The following KAZN variants were observed in gnomAD, a reference collection of about 807,000 sequenced individuals.
KAZN encodes kazrin, periplakin interacting protein, also known as kazrin.
In KAZN, 40 loss-of-function variants were observed where a neutral mutation model predicts 87.4. The ratio of observed to expected loss-of-function variants is 0.46; its 90% CI spans 0.36 to 0.60. KAZN has a LOEUF of 0.60. Ranked by LOEUF, KAZN falls within the 20% of genes least tolerant of loss-of-function variation. The pLI is 0.00. For synonymous variants in KAZN, 466 were observed against 458.3 expected, an observed-to-expected ratio of 1.02 and a Z score of -0.22; for missense variants, 898 against 1,073.9, an observed-to-expected ratio of 0.84 and a Z score of 2.29.
intron 2 of KAZN, among the ~76,000 whole-genome samples, chr1:14,271,694 T>G (rs1006700481): frequency 6.6e-6 from 1 of 152,232 alleles, no homozygotes; most frequent in African/African-American, 2.4e-5. Flanking sequence ...TAAATAGTTT[T>G]TGTCTCTAAA....
At chr1:14,222,156 G>T (rs1209921990) in intron 2 of KAZN, 2 of 152,102 alleles carry the variant, frequency 1.3e-5, no homozygotes, top group African/African-American at 4.8e-5. Context: ...GACAAATTTG[G>T]GTTTTAAAGG....
intron 2 of KAZN, among the ~76,000 whole-genome samples, chr1:14,224,000 A>G (rs1363790965): frequency 6.6e-6 from 1 of 152,212 alleles, no homozygotes; most frequent in Non-Finnish European, 1.5e-5. Flanking sequence ...GTCAGGGCAC[A>G]GGGCACTAGC....
intron 2 of KAZN, among the ~76,000 whole-genome samples, chr1:14,447,474 G>T (rs375993435): frequency 6.6e-6 from 1 of 151,790 alleles, no homozygotes; most frequent in Admixed American, 6.6e-5. Flanking sequence ...CTTTTCACTC[G>T]GTGATCCACC....
intron 1 of KAZN, among the ~76,000 whole-genome samples, chr1:14,046,022 A>G (rs2101430184): frequency 6.6e-6 from 1 of 152,352 alleles, no homozygotes; most frequent in South Asian, 2.1e-4. Flanking sequence ...GACAAGGTCC[A>G]TTTGCTATGA....
chr1:14,897,283 A>T (rs769331941), intron 1 of KAZN, among the ~76,000 whole-genome samples: 1 of 152,230 alleles, frequency 6.6e-6, no homozygotes, highest in African/African-American at 2.4e-5. Context: ...TCACATGCCC[A>T]TGCCCCAACC....
At chr1:14,129,786 CGA>C (rs368359419) in intron 1 of KAZN, among the ~76,000 whole-genome samples, 4 of 151,648 alleles carry the variant, frequency 2.6e-5, no homozygotes, top group African/African-American at 9.7e-5. Flanking sequence ...AGCGAGTGAG[CGA>C]GAGAGAGAGA....
intron 1 of KAZN, among the ~76,000 whole-genome samples, chr1:14,126,856 A>G (rs376760870): frequency 6.6e-5 from 10 of 152,336 alleles, no homozygotes; most frequent in East Asian, 5.8e-4. Flanking sequence ...CTGTAATCCC[A>G]GCACTTTGGG....
chr1:14,910,638 T>C (rs1174239091), intron 1 of KAZN, among the ~76,000 whole-genome samples: 2 of 152,174 alleles, frequency 1.3e-5, no homozygotes, highest in East Asian at 3.9e-4. Context: ...GGAGGAACTA[T>C]GGCTCCAGCA....
intron 2 of KAZN, among the ~76,000 whole-genome samples, chr1:14,248,326 G>A (rs1649700365): frequency 6.6e-6 from 1 of 152,204 alleles, no homozygotes; most frequent in Non-Finnish European, 1.5e-5. Context: ...GAGTGAGGGA[G>A]TTGGACATTT....
chr1:14,472,774 T>A (rs1236683731), intron 2 of KAZN, among the ~76,000 whole-genome samples: 1 of 152,152 alleles, frequency 6.6e-6, no homozygotes, highest in Non-Finnish European at 1.5e-5. Flanking sequence ...CTAAACTGGC[T>A]TTCCTTATTC....
At chr1:15,051,033 G>A (rs564843277) in intron 4 of KAZN, among the ~76,000 whole-genome samples, 4 of 152,348 alleles carry the variant, frequency 2.6e-5, no homozygotes, top group African/African-American at 7.2e-5. Context: ...CGGGAAGAAG[G>A]TGGCCTTGTG....
intron 1 of KAZN, among the ~76,000 whole-genome samples, chr1:14,850,451 C>A (rs576038875): frequency 6.6e-6 from 1 of 152,152 alleles, no homozygotes; most frequent in African/African-American, 2.4e-5. Context: ...GAGGCTTATA[C>A]GGCTAACATC....
chr1:14,424,613 A>G (rs1010671854), intron 2 of KAZN, among the ~76,000 whole-genome samples: 3 of 152,132 alleles, frequency 2.0e-5, no homozygotes, highest in East Asian at 3.9e-4. Flanking sequence ...CCCACACACC[A>G]TCGTCCTAAA....
intron 1 of KAZN, among the ~76,000 whole-genome samples, chr1:14,148,552 T>C (rs1475422736): frequency 6.6e-6 from 1 of 152,240 alleles, no homozygotes; most frequent in Non-Finnish European, 1.5e-5. Flanking sequence ...CTGGAATCTT[T>C]ATTTTGTTTA....
At position 14,137,103 on chromosome 1, in the gene KAZN, C is replaced by G. The variant is rs75038605; in HGVS notation, c.92-43332C>G. Among the ~76,000 whole-genome samples the G allele has an allele frequency of 8.8e-3, 1,344 of 152,216 alleles. 19 individuals are homozygous for G. The highest frequency in any genetic ancestry group is 0.034 in the Middle Eastern group (10 of 294). ...TCCCAACAAGTGAGGAAGGAAGGGC[C>G]GCTGCTGGGAAGTCAAAGGGAAACG... On this transcript the variant is annotated intron_variant, in intron 1 of 16. Transcript: ENST00000636203.
chr1:14,694,413 A>G (rs987493212), intron 1 of KAZN, among the ~76,000 whole-genome samples: 24 of 152,268 alleles, frequency 1.6e-4, no homozygotes, highest in Non-Finnish European at 2.8e-4. Flanking sequence ...AGGATTCTAA[A>G]TGTGACTATC....
intron 2 of KAZN, among the ~76,000 whole-genome samples, chr1:14,997,255 T>C (rs534801578): frequency 1.4e-5 from 2 of 138,504 alleles, no homozygotes; most frequent in East Asian, 2.1e-4. Flanking sequence ...ATTTATTTAT[T>C]TTGAGACAAA....
intron 2 of KAZN, among the ~76,000 whole-genome samples, chr1:14,270,453 T>C (rs138532874): frequency 1.2e-3 from 176 of 152,344 alleles, no homozygotes; most frequent in African/African-American, 3.9e-3. Flanking sequence ...CTCTGAGCTT[T>C]AGTTTCACCC....
intron 2 of KAZN, among the ~76,000 whole-genome samples, chr1:14,384,637 G>A (rs1486415293): frequency 6.6e-6 from 1 of 151,996 alleles, no homozygotes; most frequent in African/African-American, 2.4e-5. Flanking sequence ...TAGGTATATT[G>A]AACCAGCCTT....
Sources: allele counts gnomAD v4.1 joint callset (sites outside exome capture counted in the v4.1 genomes callset), GRCh38; gene constraint gnomAD v4.1.1; transcripts MANE v1.5; gene names NCBI Gene and HGNC (gene_info 2026-07-23, HGNC 2026-07-21).